Variants in HS3ST4 observed in about 807,000 individuals in gnomAD.
The protein encoded by HS3ST4 is heparan sulfate-glucosamine 3-sulfotransferase 4, also known as heparan sulfate glucosamine 3-O-sulfotransferase 4.
A neutral mutation model predicts 29.2 loss-of-function variants in HS3ST4; 17 were observed. That is an observed-to-expected ratio of 0.58 (90% confidence interval 0.40 to 0.87). The LOEUF is 0.87. Ranked by LOEUF, HS3ST4 falls within the 40% of genes least tolerant of loss-of-function variation. HS3ST4 has a pLI of 0.00. For synonymous variants in HS3ST4, 314 were observed against 285.7 expected (o/e 1.10, Z -1.00); for missense variants, 627 against 634.5 (o/e 0.99, Z 0.13).
At chr16:25,773,258 C>T (rs1966844521) in intron 1 of HS3ST4, among the ~76,000 whole-genome samples, 1 of 152,156 alleles carries the variant, frequency 6.6e-6, no homozygotes, top group Non-Finnish European at 1.5e-5. Context: ...TTCTGTGTTC[C>T]TCAGCTCCAG....
At chr16:26,029,829 C>T (rs1969516075) in intron 1 of HS3ST4, among the ~76,000 whole-genome samples, 1 of 152,218 alleles carries the variant, frequency 6.6e-6, no homozygotes, top group African/African-American at 2.4e-5. Context: ...TCATTCACCA[C>T]CATTTCCACA....
intron 1 of HS3ST4, among the ~76,000 whole-genome samples, chr16:25,806,253 G>T (rs1252865001): frequency 6.6e-6 from 1 of 152,118 alleles, no homozygotes; most frequent in East Asian, 1.9e-4. Flanking sequence ...TGTTAATTCA[G>T]CACAGGCACA....
intron 1 of HS3ST4, among the ~76,000 whole-genome samples, chr16:25,723,436 G>C (rs1005663033): frequency 6.6e-6 from 1 of 152,094 alleles, no homozygotes; most frequent in African/African-American, 2.4e-5. Context: ...TCTAACATTG[G>C]ATGGTTATTT....
intron 1 of HS3ST4, among the ~76,000 whole-genome samples, chr16:25,846,207 A>G (rs1291210950): frequency 6.6e-6 from 1 of 152,198 alleles, no homozygotes; most frequent in Non-Finnish European, 1.5e-5. Context: ...CAGAAGCTGC[A>G]AGGAAGTTTA....
At chr16:25,749,253 G>A (rs1029983630) in intron 1 of HS3ST4, among the ~76,000 whole-genome samples, 1 of 152,194 alleles carries the variant, frequency 6.6e-6, no homozygotes, top group Admixed American at 6.5e-5. Flanking sequence ...CAGCACTTTG[G>A]GAGGCCTAGG....
At chr16:25,693,563 G>A (rs1028118009) in intron 1 of HS3ST4, among the ~76,000 whole-genome samples, 1 of 152,164 alleles carries the variant, frequency 6.6e-6, no homozygotes, top group Non-Finnish European at 1.5e-5. Context: ...GGGGATTTGA[G>A]GTCCCCTGGA....
At chr16:25,778,134 T>A (rs1966849323) in intron 1 of HS3ST4, among the ~76,000 whole-genome samples, 1 of 145,792 alleles carries the variant, frequency 6.9e-6, no homozygotes, top group Non-Finnish European at 1.5e-5. Context: ...ACATACATAC[T>A]AAAATATATA....
At chr16:25,850,186 A>G (rs1264887411) in intron 1 of HS3ST4, among the ~76,000 whole-genome samples, 2 of 151,844 alleles carry the variant, frequency 1.3e-5, no homozygotes, top group Non-Finnish European at 2.9e-5. Flanking sequence ...TTTAGTAGAG[A>G]TGGAGTTTCT....
At chr16:25,951,966 A>G (rs981374987) in intron 1 of HS3ST4, among the ~76,000 whole-genome samples, 3 of 151,642 alleles carry the variant, frequency 2.0e-5, no homozygotes, top group Admixed American at 2.0e-4. Flanking sequence ...GTACCCTGGA[A>G]CTTAAAAAAA....
At chr16:25,934,448 G>A (rs1968498299) in intron 1 of HS3ST4, among the ~76,000 whole-genome samples, 1 of 152,182 alleles carries the variant, frequency 6.6e-6, no homozygotes, top group South Asian at 2.1e-4. Context: ...GAGCAACTAT[G>A]ACTTTTTGAG....
chr16:25,946,199 T>C (rs1250066297), intron 1 of HS3ST4, among the ~76,000 whole-genome samples: 5 of 152,242 alleles, frequency 3.3e-5, no homozygotes, highest in African/African-American at 1.2e-4. Context: ...CCTCTTCCAA[T>C]TGCAGGAGGC....
chr16:25,842,806 C>G lies in HS3ST4; in HGVS notation c.734+149655C>G, dbSNP rs116536937. 4.3e-3 allele frequency among the ~76,000 whole-genome samples: 659 copies of G among 152,258 alleles called. 6 individuals are homozygous for G. Among genetic ancestry groups the G allele is most frequent in the African/African-American group, 0.015 (629 of 41,540 alleles). ...CTGGGTGAGTGAGTGTGCAGATGTA[C>G]TGGCTCCACTGTTTGCTAGCTGTGT... On this transcript the variant is annotated intron_variant, in intron 1 of 1. Coordinates refer to ENST00000331351, the MANE Select transcript of HS3ST4 (RefSeq NM_006040.3).
At chr16:25,998,896 G>A (rs1405299399) in intron 1 of HS3ST4, among the ~76,000 whole-genome samples, 1 of 152,146 alleles carries the variant, frequency 6.6e-6, no homozygotes, top group Non-Finnish European at 1.5e-5. Context: ...GCTGTGCTTT[G>A]AAAGAATGCC....
intron 1 of HS3ST4, among the ~76,000 whole-genome samples, chr16:25,880,110 A>G (rs961488825): frequency 3.9e-4 from 59 of 152,176 alleles, no homozygotes; most frequent in African/African-American, 5.3e-4. Context: ...TGGTAGTACA[A>G]TTATTCAAAC....
intron 1 of HS3ST4, among the ~76,000 whole-genome samples, chr16:26,062,529 T>C (rs936487167): frequency 6.6e-6 from 1 of 152,172 alleles, no homozygotes; most frequent in African/African-American, 2.4e-5. Flanking sequence ...ACCTGAACCT[T>C]GGCCCGATGC....
intron 1 of HS3ST4, among the ~76,000 whole-genome samples, chr16:25,879,499 C>T (rs1251017818): frequency 6.6e-6 from 1 of 152,028 alleles, no homozygotes. Context: ...GGGAAATTCC[C>T]GTTTTTAAAA....
intron 1 of HS3ST4, among the ~76,000 whole-genome samples, chr16:25,720,551 G>T (rs1966485917): frequency 6.6e-6 from 1 of 152,018 alleles, no homozygotes; most frequent in African/African-American, 2.4e-5. Context: ...GCTAAGAATT[G>T]GTTCTTCCTG....
chr16:25,856,418 A>G (rs1423544051), intron 1 of HS3ST4, among the ~76,000 whole-genome samples: 1 of 151,894 alleles, frequency 6.6e-6, no homozygotes, highest in Non-Finnish European at 1.5e-5. Flanking sequence ...TTCATCAGTT[A>G]TGCCTGCATT....
intron 1 of HS3ST4, among the ~76,000 whole-genome samples, chr16:25,739,170 C>T (rs1031474849): frequency 1.3e-5 from 2 of 152,042 alleles, no homozygotes; most frequent in African/African-American, 4.8e-5. Context: ...GGAGAAACCC[C>T]ATCTCAACTA....
Sources: gnomAD v4.1 joint callset for allele counts (sites outside exome capture counted in the v4.1 genomes callset) on GRCh38, gnomAD v4.1.1 for gene constraint, MANE v1.5 for transcripts, NCBI Gene and HGNC (gene_info 2026-07-23, HGNC 2026-07-21) for gene names.